IFI27: variants seen among roughly 807,000 people sequenced by gnomAD.
The protein encoded by IFI27 is interferon alpha-inducible protein 27, mitochondrial.
Under a neutral mutation model 8.9 loss-of-function variants are expected in IFI27, and 3 were observed. That is an observed-to-expected ratio of 0.34 (90% CI 0.15 to 0.87). The LOEUF (loss-of-function observed/expected upper bound fraction) is 0.87. IFI27 is among the 40% of genes least tolerant of loss of function. The pLI is 0.51. For synonymous variants in IFI27, 66 were observed against 67.3 expected (o/e 0.98, Z 0.09); for missense variants, 152 against 157.7 (o/e 0.96, Z 0.19).
intron 2 of IFI27, chr14:94,112,326 T>C (rs1887224182): frequency 6.3e-6 from 1 of 158,100 alleles, no homozygotes; most frequent in African/African-American, 2.4e-5. Context: ...GTTTTTCATA[T>C]GTATTTTTGC....
intron 2 of IFI27, among the ~76,000 whole-genome samples, chr14:94,112,536 G>A (rs1887230856): frequency 6.6e-6 from 1 of 152,280 alleles, no homozygotes; most frequent in African/African-American, 2.4e-5. Flanking sequence ...TTACCTTTCT[G>A]TCTCCGTGGG....
upstream of IFI27, among the ~76,000 whole-genome samples, chr14:94,109,121 C>G (rs1355359190): frequency 1.3e-5 from 2 of 151,814 alleles, no homozygotes; most frequent in African/African-American, 4.8e-5. Flanking sequence ...TGGTGAAACC[C>G]CATCTCTACT....
At chr14:94,115,924 G>T (rs1197221301) in exon 4 of IFI27, 1 of 1,583,986 alleles carries the variant, frequency 6.3e-7, no homozygotes, top group Non-Finnish European at 8.6e-7. Flanking sequence ...CAGCCTTGTG[G>T]CTACTCTGCA....
chr14:94,107,488 T>A (rs945209600), upstream of IFI27, among the ~76,000 whole-genome samples: 1 of 152,228 alleles, frequency 6.6e-6, no homozygotes, highest in African/African-American at 2.4e-5. Context: ...ATTTCCCCTA[T>A]GTTTTCTTCT....
At chr14:94,113,088 C>A (rs766412745) in intron 2 of IFI27, 1 of 152,244 alleles carries the variant, frequency 6.6e-6, no homozygotes, top group Non-Finnish European at 1.5e-5. Flanking sequence ...AAGATAATAT[C>A]GTCCCTTATT....
chr14:94,114,895 AAGGGGCTCAAG>A lies in IFI27; in HGVS notation c.121+16_121+26del. 1 of 1,613,472 alleles carries A rather than the reference AAGGGGCTCAAG, an allele frequency of 6.2e-7. No individual in the cohort carries two copies. Among genetic ancestry groups the A allele is most frequent in the Non-Finnish European group, 8.5e-7 (1 of 1,179,390 alleles). On this transcript the variant is annotated intron_variant, in intron 3 of 4. Coordinates refer to ENST00000621160, the Ensembl canonical transcript of IFI27. The stretch of plus-strand genomic sequence containing the variant: ...GATTGGAGGAGGTGAGTCTGTGGGG[AAGGGGCTCAAG>A]TAACCACCTGCCCCTAGGGAGGTGG...
At chr14:94,112,909 C>T (rs910885797) in intron 2 of IFI27, 2 of 152,402 alleles carry the variant, frequency 1.3e-5, no homozygotes, top group South Asian at 4.1e-4. Context: ...CCCAGCAGTC[C>T]TTTCTGTTTG....
rs898671828 is a variant in IFI27 at position 94,111,494 on chromosome 14, T to C, written c.-58-131T>C. The stretch of plus-strand genomic sequence containing the variant: ...CTCCCTCCCTCACCCCAGGATCCTT[T>C]CAAGGCCTGCTGCTCCACAAGCTCA... On this transcript the variant is annotated intron_variant, in intron 1 of 4. Transcript: ENST00000621160. The surrounding 1 kb of genome is among the most constrained non-coding windows in gnomAD (Gnocchi z 4.3). 4.5e-5 allele frequency: 27 copies of C among 605,152 alleles called. No homozygotes were observed. Among genetic ancestry groups the C allele is most frequent in the Non-Finnish European group, 4.8e-5 (16 of 335,984 alleles). The allele number at this position is 605,152 out of a possible 1,614,324, so 37.5% of individuals were successfully genotyped here.
At position 94,116,162 on chromosome 14, in the gene IFI27, T is replaced by C; in HGVS notation, c.283+220T>C. 1 of 726,950 alleles carries C rather than the reference T, an allele frequency of 1.4e-6. No homozygotes were observed. 45.0% of individuals were successfully genotyped at this position (726,950 alleles called of 1,614,324 possible). ...AAGACTCAGCCCGAAGCAGATTTGC[T>C]GGGTTACCTGGGGCGTCTCCTCCCC... On this transcript the variant is annotated intron_variant, in intron 4 of 4. Coordinates refer to ENST00000621160, the Ensembl canonical transcript of IFI27. This position sits in a 1 kb window ranked among gnomAD's most constrained non-coding sequence, Gnocchi z 4.3.
In IFI27 at chr14:94,111,829, G is replaced by A. The variant is rs138062603; in HGVS notation, c.91+56G>A. 69 of 1,341,132 alleles carry A rather than the reference G, an allele frequency of 5.1e-5. No homozygotes were observed. In the East Asian group the frequency reaches 9.9e-4, roughly 19 times the overall value. The allele number at this position is 1,341,132 out of a possible 1,614,324, so 83.1% of individuals were successfully genotyped here. Reference sequence around the variant, plus strand: ...GGGCGAGGAGGCGGCTGGGAAGGGCGGGGGTCCTGTCCCGGGACCCGTGGG... The same window carrying A: ...GGGCGAGGAGGCGGCTGGGAAGGGCAGGGGTCCTGTCCCGGGACCCGTGGG... On this transcript the variant is annotated intron_variant, in intron 2 of 4. Coordinates refer to ENST00000621160, the Ensembl canonical transcript of IFI27. The surrounding 1 kb of genome is among the most constrained non-coding windows in gnomAD (Gnocchi z 4.3).
In IFI27 at chr14:94,116,251, G is replaced by A. The variant is rs1349712790; in HGVS notation, c.284-191G>A. ...TTCTAGCTCTGGAGTTCACCATGGG[G>A]GTTCATGCCTGCAGCAGCCTCTCCC... is the stretch of plus-strand genomic sequence containing the variant. On this transcript the variant is annotated intron_variant, in intron 4 of 4. Coordinates refer to ENST00000621160, the Ensembl canonical transcript of IFI27. This position sits in a 1 kb window ranked among gnomAD's most constrained non-coding sequence, Gnocchi z 4.3. The A allele has an allele frequency of 1.5e-6, 1 of 646,398 alleles. No individual in the cohort carries two copies. The highest frequency in any genetic ancestry group is 1.8e-5 in the South Asian group (1 of 56,646). The allele number at this position is 646,398 out of a possible 1,614,324, so 40.0% of individuals were successfully genotyped here. A position where few individuals can be genotyped will look rare whatever the true frequency, so the allele number is the denominator to read the frequency against.
chr14:94,116,541 G>T lies in IFI27; in HGVS notation c.*14G>T. Reference sequence around the variant, plus strand: ...AGGTTCTACTAGCTCCCTGCCCCTCGCCCTGCAGAGAAGAGAACCATGCCA... The same window carrying T: ...AGGTTCTACTAGCTCCCTGCCCCTCTCCCTGCAGAGAAGAGAACCATGCCA... On this transcript the variant is annotated 3_prime_UTR_variant, in exon 5 of 5. Transcript: ENST00000621160. This position sits in a 1 kb window ranked among gnomAD's most constrained non-coding sequence, Gnocchi z 4.3. 6.2e-7 allele frequency: 1 copy of T among 1,600,246 alleles called. No individual in the cohort carries two copies. The highest frequency in any genetic ancestry group is 1.1e-5 in the South Asian group (1 of 89,224).
At chr14:94,109,398 GGGCAAGGGAAAGGAAA>G (rs1165148384), upstream of IFI27, among the ~76,000 whole-genome samples, 3 of 137,104 alleles carry the variant, frequency 2.2e-5, no homozygotes, top group Non-Finnish European at 4.7e-5. Flanking sequence ...GCAAGGGCAA[GGGCAAGGGAAAGGAAA>G]GGAAAGGAAA....
In IFI27 at chr14:94,116,397, C is replaced by A; in HGVS notation, c.284-45C>A. 1 of 1,401,892 alleles carries A rather than the reference C, an allele frequency of 7.1e-7. No individual in the cohort carries two copies. The highest frequency in any genetic ancestry group is 1.0e-6 in the Non-Finnish European group (1 of 997,320). 86.8% of individuals were successfully genotyped at this position (1,401,892 alleles called of 1,614,324 possible). Reference sequence around the variant, plus strand: ...CCCACAGTCCTGCCCACAGAGCTTCCCCGACAGGCATGTCCCACTCTGTCC... The same window carrying A: ...CCCACAGTCCTGCCCACAGAGCTTCACCGACAGGCATGTCCCACTCTGTCC... On this transcript the variant is annotated intron_variant, in intron 4 of 4. Coordinates refer to ENST00000621160, the Ensembl canonical transcript of IFI27. This position sits in a 1 kb window ranked among gnomAD's most constrained non-coding sequence, Gnocchi z 4.3.
rs1016505110 is a variant in IFI27 at position 94,115,578 on chromosome 14, A to T, written c.122-203A>T. The T allele has an allele frequency of 1.9e-5, 12 of 618,736 alleles. No homozygotes were observed. The African/African-American group carries it at 2.2e-4, about 11-fold the overall frequency. The allele number at this position is 618,736 out of a possible 1,614,324, so 38.3% of individuals were successfully genotyped here. On this transcript the variant is annotated intron_variant, in intron 3 of 4. Coordinates refer to ENST00000621160, the Ensembl canonical transcript of IFI27. ...GAGCTTGGCCCAGAGCCCTGTGCCC[A>T]GTGACCCCACTAGCTTTTCCCTCTA...
intron 2 of IFI27, chr14:94,112,131 A>C: frequency 6.6e-6 from 2 of 303,208 alleles, no homozygotes; most frequent in Non-Finnish European, 6.2e-6. Flanking sequence ...TACCTTGTCA[A>C]TAGGGCCCCG....
In IFI27 at chr14:94,111,874, C is replaced by T. The variant is rs117317777; in HGVS notation, c.91+101C>T. On this transcript the variant is annotated intron_variant, in intron 2 of 4. Coordinates refer to ENST00000621160, the Ensembl canonical transcript of IFI27. This position sits in a 1 kb window ranked among gnomAD's most constrained non-coding sequence, Gnocchi z 4.3. ...CGTGGGAGAGAAAATGGGGGACACC[C>T]GCAGCCTTGCTGCCCTGTCCTGTCT... The T allele has an allele frequency of 9.9e-6, 9 of 908,922 alleles. No individual in the cohort carries two copies. The highest frequency in any genetic ancestry group is 9.8e-5 in the East Asian group (4 of 40,786). 56.3% of individuals were successfully genotyped at this position (908,922 alleles called of 1,614,324 possible). A position where few individuals can be genotyped will look rare whatever the true frequency, so the allele number is the denominator to read the frequency against.
chr14:94,106,633 TA>T (rs1310539762), upstream of IFI27, among the ~76,000 whole-genome samples: 2 of 152,206 alleles, frequency 1.3e-5, no homozygotes, highest in Non-Finnish European at 2.9e-5. Context: ...TGCACTGCTA[TA>T]AAGGCATACC....
At chr14:94,114,778 A>G (rs1887324563) in intron 2 of IFI27, 73 bp from the exon 3 acceptor site, 7 of 1,554,014 alleles carry the variant, frequency 4.5e-6, no homozygotes, top group South Asian at 1.1e-5. Flanking sequence ...CTCCCTTTAG[A>G]TGGGCAATCG....
Sources: gnomAD v4.1 joint callset for allele counts (sites outside exome capture counted in the v4.1 genomes callset) on GRCh38, gnomAD v4.1.1 for gene constraint, Gnocchi (gnomAD v3.1) non-coding constraint, MANE v1.5 for transcripts, NCBI Gene and HGNC (gene_info 2026-07-23, HGNC 2026-07-21) for gene names.